MACROD2: variants seen among roughly 807,000 people sequenced by gnomAD.
The protein encoded by MACROD2 is mono-ADP ribosylhydrolase 2.
MACROD2 carries 36 observed loss-of-function variants against 70.4 expected under a neutral mutation model. That is an observed-to-expected ratio of 0.51 (90% CI 0.39 to 0.68). MACROD2 has a LOEUF of 0.68. Among genes scored for constraint, MACROD2 ranks in the 30% least tolerant of loss-of-function variants. The pLI, the probability that MACROD2 is intolerant of heterozygous loss-of-function variation, is 0.00. For missense variants in MACROD2, 496 were observed against 538.4 expected, an observed-to-expected ratio of 0.92 and a Z score of 0.78; for synonymous variants, 172 against 178.8, an observed-to-expected ratio of 0.96 and a Z score of 0.30.
At chr20:14,663,671 T>C (rs535318377) in intron 4 of MACROD2, among the ~76,000 whole-genome samples, 28 of 152,064 alleles carry the variant, frequency 1.8e-4, no homozygotes, top group African/African-American at 6.5e-4. Flanking sequence ...ATAGGAGTTC[T>C]TTATACTGGC....
At chr20:14,182,329 A>G (rs1460687005) in intron 3 of MACROD2, among the ~76,000 whole-genome samples, 1 of 152,086 alleles carries the variant, frequency 6.6e-6, no homozygotes, top group East Asian at 1.9e-4. Context: ...TGATTTATTT[A>G]GTCTTTTTTA....
intron 3 of MACROD2, among the ~76,000 whole-genome samples, chr20:14,305,755 G>T (rs1314140323): frequency 6.6e-6 from 1 of 152,002 alleles, no homozygotes; most frequent in African/African-American, 2.4e-5. Flanking sequence ...TAGTCCCTTT[G>T]ACCAAGCTTA....
chr20:14,575,553 C>T (rs2123331264), intron 4 of MACROD2, among the ~76,000 whole-genome samples: 1 of 152,190 alleles, frequency 6.6e-6, no homozygotes, highest in East Asian at 1.9e-4. Context: ...AGAAATGATG[C>T]CAGAAACTCA....
At chr20:15,777,726 C>T (rs1015438081) in intron 8 of MACROD2, among the ~76,000 whole-genome samples, 1 of 151,864 alleles carries the variant, frequency 6.6e-6, no homozygotes, top group Non-Finnish European at 1.5e-5. Context: ...CTTACTGCAA[C>T]CTCTGCCTCC....
intron 3 of MACROD2, among the ~76,000 whole-genome samples, chr20:14,130,008 C>T (rs141952028): frequency 2.0e-5 from 3 of 152,158 alleles, no homozygotes; most frequent in East Asian, 1.9e-4. Context: ...CTGAACCTGC[C>T]GTATCTTTGA....
intron 6 of MACROD2, among the ~76,000 whole-genome samples, chr20:15,391,200 C>A (rs528539952): frequency 3.3e-5 from 5 of 152,298 alleles, no homozygotes; most frequent in Admixed American, 3.3e-4. Context: ...GATGATCCTT[C>A]TAACCTTTAA....
In MACROD2 at chr20:14,067,123, GT is replaced by G. The variant is rs544348706; in HGVS notation, c.164-18479del. ...ACTGCACCTGGCCTGATTTTTTAGT[GT>G]TTTTTTTTTTTTTTTTTTGAGACAG... is the stretch of plus-strand genomic sequence containing the variant. On this transcript the variant is annotated intron_variant, in intron 2 of 17. Transcript: ENST00000684519. Among the ~76,000 whole-genome samples the G allele has an allele frequency of 3.8e-3, 327 of 85,042 alleles. 2 individuals carry two copies. Among genetic ancestry groups the G allele is most frequent in the Middle Eastern group, 0.014 (1 of 74 alleles). The allele number at this position is 85,042 out of a possible 152,430, so 55.8% of individuals were successfully genotyped here.
intron 4 of MACROD2, among the ~76,000 whole-genome samples, chr20:14,533,772 TC>T (rs1238964872): frequency 6.6e-6 from 1 of 152,256 alleles, no homozygotes; most frequent in Non-Finnish European, 1.5e-5. Flanking sequence ...TTCATTGGAA[TC>T]ACTAGTAAAG....
intron 5 of MACROD2, among the ~76,000 whole-genome samples, chr20:14,974,769 T>A (rs2074723328): frequency 6.6e-6 from 1 of 151,868 alleles, no homozygotes. Context: ...GGCAAGAGAG[T>A]CCTGTTGACG....
chr20:15,704,734 T>A (rs1035552071), intron 8 of MACROD2, among the ~76,000 whole-genome samples: 1 of 152,180 alleles, frequency 6.6e-6, no homozygotes, highest in Non-Finnish European at 1.5e-5. Flanking sequence ...TAAAATAGAA[T>A]AGGAGTTGAA....
chr20:15,047,609 G>T (rs535390924), intron 5 of MACROD2, among the ~76,000 whole-genome samples: 75 of 152,272 alleles, frequency 4.9e-4, no homozygotes, highest in Non-Finnish European at 8.7e-4. Flanking sequence ...TGGAGTGTCA[G>T]TCATTAAAGT....
chr20:14,947,633 C>T (rs538265081), intron 5 of MACROD2, among the ~76,000 whole-genome samples: 1 of 152,216 alleles, frequency 6.6e-6, no homozygotes, highest in South Asian at 2.1e-4. Flanking sequence ...ACACAGATGG[C>T]CTACCCCCCA....
In MACROD2 at chr20:15,003,106, T is replaced by C. The variant is rs971950919; in HGVS notation, c.419-226834T>C. ...CTCTGTCCAGAACCCACCATTATTA[T>C]TGAGATCATAGGTACAGAGGATTTC... is the stretch of plus-strand genomic sequence containing the variant. On this transcript the variant is annotated intron_variant, in intron 5 of 17. Coordinates refer to ENST00000684519, the MANE Select transcript of MACROD2 (RefSeq NM_001351661.2). Among the ~76,000 whole-genome samples, 133 of 152,330 alleles carry C rather than the reference T, an allele frequency of 8.7e-4. 2 individuals carry two copies. Among genetic ancestry groups the C allele is most frequent in the African/African-American group, 3.1e-3 (129 of 41,580 alleles).
chr20:14,280,089 T>G (rs921256646), intron 3 of MACROD2, among the ~76,000 whole-genome samples: 1 of 152,164 alleles, frequency 6.6e-6, no homozygotes, highest in Non-Finnish European at 1.5e-5. Flanking sequence ...AATGGGAGAA[T>G]ATTCTATGAT....
intron 3 of MACROD2, among the ~76,000 whole-genome samples, chr20:14,377,701 A>G (rs2083385041): frequency 6.6e-6 from 1 of 152,184 alleles, no homozygotes; most frequent in African/African-American, 2.4e-5. Context: ...ACCTATTAGC[A>G]TTTTGCTTTA....
chr20:15,451,417 T>TTAA (rs1568817922), intron 7 of MACROD2, among the ~76,000 whole-genome samples: 2 of 83,372 alleles, frequency 2.4e-5, no homozygotes, highest in Non-Finnish European at 4.5e-5. Flanking sequence ...GGGTGGTAAA[T>TTAA]AAAAAAAAAA....
intron 5 of MACROD2, among the ~76,000 whole-genome samples, chr20:14,997,357 T>A (rs2074958777): frequency 6.6e-6 from 1 of 152,076 alleles, no homozygotes; most frequent in South Asian, 2.1e-4. Context: ...TTGGCAAGAT[T>A]CATTACCTGT....
At chr20:15,965,943 A>G (rs955996214) in intron 12 of MACROD2, among the ~76,000 whole-genome samples, 3 of 152,166 alleles carry the variant, frequency 2.0e-5, no homozygotes, top group Non-Finnish European at 1.5e-5. Flanking sequence ...GTTAATTAAA[A>G]CCACACACTT....
At chr20:15,247,649 G>A (rs392184) in intron 6 of MACROD2, among the ~76,000 whole-genome samples, 14,968 of 151,966 alleles carry the variant, frequency 0.098, 845 homozygotes, top group African/African-American at 0.15. Context: ...CCATTACTCT[G>A]CAGCACCCTG....
Sources: allele counts gnomAD v4.1 joint callset (sites outside exome capture counted in the v4.1 genomes callset), GRCh38; gene constraint gnomAD v4.1.1; transcripts MANE v1.5; gene names NCBI Gene and HGNC (gene_info 2026-07-23, HGNC 2026-07-21).